NCAPG2: variants seen among roughly 807,000 people sequenced by gnomAD.
The protein encoded by NCAPG2 is condensin-2 complex subunit G2.
In NCAPG2, 53 loss-of-function variants were observed where a neutral mutation model predicts 141.1. The ratio of observed to expected loss-of-function variants is 0.38; its 90% CI spans 0.30 to 0.47. NCAPG2 has a LOEUF of 0.47. Among genes scored for constraint, NCAPG2 ranks in the 20% least tolerant of loss-of-function variants. NCAPG2 has a pLI of 0.99. For synonymous variants in NCAPG2, 499 were observed against 490.7 expected, an observed-to-expected ratio of 1.02 and a Z score of -0.22; for missense variants, 1,087 against 1,389.0, an observed-to-expected ratio of 0.78 and a Z score of 3.46.
chr7:158,656,566 G>C lies in NCAPG2; in HGVS notation c.2200C>G (p.His734Asp). ...TGTCAACCTACCTTGGCCTGGGCAT[G>C]CTCTGTGGGCAGCCAGTTGTCAACA... ...ELVDNWLPTE[H>D]AQAKSNTASK... is the part of the protein sequence containing the mutation. Residue 734 changes from histidine to aspartate, a missense_variant, in exon 18 of 28, where the codon CAT (histidine) becomes GAT (aspartate). Physicochemically the swap from His to Asp is moderately conservative, Grantham distance 81 (BLOSUM62 -1). Coordinates refer to ENST00000356309, the MANE Select transcript of NCAPG2 (RefSeq NM_017760.7). 1.2e-6 allele frequency: 2 copies of C among 1,614,112 alleles called. No individual in the cohort carries two copies. The highest frequency in any genetic ancestry group is 1.7e-6 in the Non-Finnish European group (2 of 1,180,040).
At chr7:158,652,878 C>A (rs567435736) in intron 22 of NCAPG2, among the ~76,000 whole-genome samples, 2 of 152,150 alleles carry the variant, frequency 1.3e-5, no homozygotes, top group African/African-American at 4.8e-5. Context: ...ATGAAACTGG[C>A]TACACTGGAG....
At chr7:158,639,746 A>C in intron 27 of NCAPG2, 1 of 632,008 alleles carries the variant, frequency 1.6e-6, no homozygotes, top group Non-Finnish European at 2.0e-6. Context: ...TAATGCTGAG[A>C]GCAAAACTGG....
chr7:158,672,315 TATATATATATATA>T (rs1423626682), intron 12 of NCAPG2, among the ~76,000 whole-genome samples: 6 of 67,236 alleles, frequency 8.9e-5, no homozygotes, highest in East Asian at 3.5e-4. Flanking sequence ...TATATATATA[TATATATATATATA>T]TTTTTTTTTT....
intron 16 of NCAPG2, among the ~76,000 whole-genome samples, chr7:158,660,876 G>GT (rs1832442802): frequency 6.6e-6 from 1 of 152,086 alleles, no homozygotes; most frequent in South Asian, 2.1e-4. Flanking sequence ...TCTTATGGTA[G>GT]TAAGTCTCAC....
intron 24 of NCAPG2, among the ~76,000 whole-genome samples, chr7:158,648,279 G>A (rs573021720): frequency 1.5e-4 from 22 of 151,652 alleles, no homozygotes; most frequent in Non-Finnish European, 2.6e-4. Flanking sequence ...TTAAACATGC[G>A]TGCTGAGATC....
At chr7:158,667,266 C>T (rs1349182194) in intron 13 of NCAPG2, 1 of 972,976 alleles carries the variant, frequency 1.0e-6, no homozygotes, top group African/African-American at 1.8e-5. Flanking sequence ...GACCCTGTGT[C>T]CCTCCGCCTC....
chr7:158,650,892 C>A lies in NCAPG2; in HGVS notation c.3015G>T (p.Arg1005=), dbSNP rs1214548934. The change falls in exon 24 of 28, where the codon CGG becomes CGT. Residue 1005 remains arginine (R), a synonymous_variant. Transcript: ENST00000356309. ...CAGCGATCAGAGTAGAAAGTACACC[C>A]CGGTGCACAGGGGTGTCTGTGTGCC... is the stretch of plus-strand genomic sequence containing the variant. ...QSRHTDTPVH[R]GVLSTLIAGP... The A allele has an allele frequency of 6.2e-7, 1 of 1,613,898 alleles. No homozygotes were observed. The highest frequency in any genetic ancestry group is 8.5e-7 in the Non-Finnish European group (1 of 1,179,944).
At chr7:158,686,300 G>T in intron 7 of NCAPG2, 59 bp from the exon 8 acceptor site, 1 of 1,028,476 alleles carries the variant, frequency 9.7e-7, no homozygotes, top group Non-Finnish European at 1.4e-6. Flanking sequence ...CTTTCAACAT[G>T]TATCATTTCA....
At chr7:158,678,097 C>T (rs528071961) in intron 11 of NCAPG2, among the ~76,000 whole-genome samples, 3 of 82,578 alleles carry the variant, frequency 3.6e-5, no homozygotes, top group African/African-American at 1.5e-4. Flanking sequence ...GCACCTAGAC[C>T]CTTTTTTATT....
At chr7:158,638,576 A>G (rs904042588) in intron 27 of NCAPG2, among the ~76,000 whole-genome samples, 1 of 152,130 alleles carries the variant, frequency 6.6e-6, no homozygotes, top group Non-Finnish European at 1.5e-5. Context: ...AGTGGAGTAA[A>G]GAGAGACCCT....
At chr7:158,644,635 T>G (rs1830873831) in intron 26 of NCAPG2, among the ~76,000 whole-genome samples, 1 of 152,172 alleles carries the variant, frequency 6.6e-6, no homozygotes, top group Non-Finnish European at 1.5e-5. Context: ...AGAGGAAGGA[T>G]TATGTCCATG....
At chr7:158,643,921 G>A (rs116456839) in intron 27 of NCAPG2, among the ~76,000 whole-genome samples, 2,641 of 152,286 alleles carry the variant, frequency 0.017, 74 homozygotes, top group African/African-American at 0.061. Flanking sequence ...TGGAGGGACC[G>A]CACATCCCCA....
intron 13 of NCAPG2, chr7:158,667,063 A>G (rs1833018711): frequency 4.4e-6 from 4 of 915,786 alleles, no homozygotes; most frequent in South Asian, 5.0e-5. Flanking sequence ...GGCCAGCCAG[A>G]CTGCCTCTTA....
chr7:158,690,777 G>T, intron 4 of NCAPG2, 55 bp from the exon 5 acceptor site: 2 of 1,505,506 alleles, frequency 1.3e-6, no homozygotes, highest in East Asian at 2.3e-5. Flanking sequence ...TATTACTTCA[G>T]AGTCAACAGT....
chr7:158,637,373 G>A (rs1386463577), intron 27 of NCAPG2, among the ~76,000 whole-genome samples: 1 of 152,174 alleles, frequency 6.6e-6, no homozygotes, highest in Non-Finnish European at 1.5e-5. Context: ...TTAGTGCCCA[G>A]TTCAACGTCC....
At chr7:158,668,557 T>A in intron 13 of NCAPG2, 1 of 531,490 alleles carries the variant, frequency 1.9e-6, no homozygotes, top group Non-Finnish European at 2.4e-6. Context: ...CAGTGTGGCC[T>A]GGATACAGTT....
chr7:158,645,729 G>A (rs1830963356), intron 25 of NCAPG2, 110 bp from the exon 26 acceptor site: 10 of 943,306 alleles, frequency 1.1e-5, no homozygotes, highest in African/African-American at 1.6e-5. Flanking sequence ...AGTTTGCAGG[G>A]GACGTGGGAA....
intron 11 of NCAPG2, among the ~76,000 whole-genome samples, chr7:158,679,186 C>T (rs886654362): frequency 7.9e-5 from 12 of 152,188 alleles, no homozygotes; most frequent in Non-Finnish European, 1.6e-4. Context: ...TTCTGCATGT[C>T]AGGTTTTCCA....
In NCAPG2 at chr7:158,689,938, G is replaced by A. The variant is rs182323648; in HGVS notation, c.553C>T (p.Arg185Trp). ...LETKTGADVCRLWRIHQALYC... is the reference protein window; with the variant it reads ...LETKTGADVCWLWRIHQALYC... Reference sequence around the variant, plus strand: ...AAAGCTTGATGGATACGCCAAAGCCGACATACGTCTGCACCCTAGGAATGA... The same window carrying A: ...AAAGCTTGATGGATACGCCAAAGCCAACATACGTCTGCACCCTAGGAATGA... Residue 185 changes from arginine to tryptophan, a missense_variant, in exon 6 of 28, where the codon CGG becomes TGG. Arg to Trp is a moderately radical substitution (Grantham distance 101). Coordinates refer to ENST00000356309, the MANE Select transcript of NCAPG2 (RefSeq NM_017760.7). 115 of 1,586,904 alleles carry A rather than the reference G, an allele frequency of 7.2e-5. No individual in the cohort carries two copies. Among genetic ancestry groups the A allele is most frequent in the Admixed American group, 1.1e-4 (6 of 55,200 alleles).
Sources: allele counts gnomAD v4.1 joint callset (sites outside exome capture counted in the v4.1 genomes callset), GRCh38; gene constraint gnomAD v4.1.1; transcripts MANE v1.5; gene names NCBI Gene and HGNC (gene_info 2026-07-23, HGNC 2026-07-21).